PCSK7: variants seen among roughly 807,000 people sequenced by gnomAD.
PCSK7 encodes the protein proprotein convertase subtilisin/kexin type 7.
In PCSK7, 38 loss-of-function variants were observed where a neutral mutation model predicts 73.3. The observed-to-expected ratio is 0.52, with a 90% confidence interval of 0.40 to 0.68. PCSK7 has a LOEUF of 0.68. Among genes scored for constraint, PCSK7 ranks in the 30% least tolerant of loss-of-function variants. The pLI is 0.00. For missense variants in PCSK7, 692 were observed against 991.5 expected, an observed-to-expected ratio of 0.70 and a Z score of 4.06; for synonymous variants, 296 against 383.8, an observed-to-expected ratio of 0.77 and a Z score of 2.68.
rs1257403095 is a variant in PCSK7 at position 117,204,772 on chromosome 11, A to AC, written c.*1224_*1225insG. On this transcript the variant is annotated 3_prime_UTR_variant, in exon 17 of 17. Transcript: ENST00000320934. Reference sequence around the variant, plus strand: ...TGGGGTTGGAACTCAAAAAAAAAAAAAAAAAATCAATCTTTTCTCAGGCCT... The same window carrying AC: ...TGGGGTTGGAACTCAAAAAAAAAAAACAAAAAATCAATCTTTTCTCAGGCCT... The AC allele has an allele frequency of 3.2e-6, 1 of 313,264 alleles. No individual in the cohort carries two copies. The highest frequency in any genetic ancestry group is 2.1e-5 in the African/African-American group (1 of 46,904). The allele number at this position is 313,264 out of a possible 1,614,324, so 19.4% of individuals were successfully genotyped here.
At chr11:117,223,966 A>C in intron 8 of PCSK7, 112 bp downstream of exon 8, 3 of 1,130,184 alleles carry the variant, frequency 2.7e-6, no homozygotes, top group Admixed American at 1.8e-5. Flanking sequence ...CTGAGCCCAA[A>C]GAGATTATTG....
intron 8 of PCSK7, 71 bp downstream of exon 8, chr11:117,224,006 TA>T (rs1221763644): frequency 1.4e-6 from 2 of 1,471,606 alleles, no homozygotes; most frequent in African/African-American, 2.8e-5. Flanking sequence ...ACACAGAAGC[TA>T]GGACAAGACG....
At position 117,227,180 on chromosome 11, in the gene PCSK7, A is replaced by G; in HGVS notation, c.746T>C (p.Val249Ala). Reference protein sequence around the residue: ...VPNNSFCAVGVAYGSRIAGIR... With the variant: ...VPNNSFCAVGAAYGSRIAGIR... ...ACCTGCGATGCGGCTCCCGTAGGCC[A>G]CGCCCACGGCACAGAAGCTGTTGTT... The change falls in exon 5 of 17, where the codon GTG (valine) becomes GCG (alanine). Residue 249 changes from valine (V) to alanine (A), a missense_variant. Val to Ala is a moderately conservative substitution (Grantham distance 64, BLOSUM62 0). Coordinates refer to ENST00000320934, the MANE Select transcript of PCSK7 (RefSeq NM_004716.4). 2 of 1,608,848 alleles carry G rather than the reference A, an allele frequency of 1.2e-6. No individual in the cohort carries two copies. The highest frequency in any genetic ancestry group is 1.7e-6 in the Non-Finnish European group (2 of 1,177,298).
At chr11:117,230,785 C>G (rs1026728563) in intron 1 of PCSK7, among the ~76,000 whole-genome samples, 10 of 152,080 alleles carry the variant, frequency 6.6e-5, no homozygotes, top group African/African-American at 2.2e-4. Context: ...TAGCTAACTT[C>G]TTGATTTGTA....
chr11:117,215,380 G>GTGTGTGTGTGTGTGTGTGTGTATA (rs1164738557), intron 12 of PCSK7: 1 of 55,894 alleles, frequency 1.8e-5, no homozygotes, highest in African/African-American at 1.2e-4. Context: ...GTGTGTGTGT[G>GTGTGTGTGTGTGTGTGTGTGTATA]TATATATATA....
Position 117,224,145 on chromosome 11 carries a change from G to A in PCSK7, c.987C>T (p.Asn329=), listed in dbSNP as rs745605376. 1.5e-5 allele frequency: 24 copies of A among 1,613,942 alleles called. No homozygotes were observed. Among genetic ancestry groups the A allele is most frequent in the East Asian group, 6.7e-5 (3 of 44,888 alleles). Residue 329 remains asparagine, a synonymous_variant, in exon 8 of 17, where the codon AAC becomes AAT. Coordinates refer to ENST00000320934, the MANE Select transcript of PCSK7 (RefSeq NM_004716.4). ...FGSIFVVASG[N]GGQHNDNCNY... is the part of the protein sequence containing the mutation. The stretch of plus-strand genomic sequence containing the variant: ...TGCAGTTGTCGTTGTGTTGGCCTCC[G>A]TTGCCACTGGCTACCACAAAGATGC...
intron 12 of PCSK7, chr11:117,213,860 C>G (rs1440918848): frequency 6.6e-6 from 1 of 151,940 alleles, no homozygotes; most frequent in African/African-American, 2.4e-5. Context: ...TATTATGTGG[C>G]CTTTGGTAAA....
At chr11:117,215,380 G>GTGTGTGTGTGTATATATATATATATATA (rs1164738557) in intron 12 of PCSK7, 1 of 55,900 alleles carries the variant, frequency 1.8e-5, no homozygotes, top group African/African-American at 1.2e-4. Flanking sequence ...GTGTGTGTGT[G>GTGTGTGTGTGTATATATATATATATATA]TATATATATA....
At chr11:117,219,926 C>T (rs1233820741) in intron 9 of PCSK7, 168 bp from the exon 10 acceptor site, 1 of 478,172 alleles carries the variant, frequency 2.1e-6, no homozygotes, top group Non-Finnish European at 3.7e-6. Context: ...TGAGTGAGAA[C>T]CCATCTTTAA....
At chr11:117,225,656 C>T (rs1565316618) in intron 6 of PCSK7, 10 of 454,928 alleles carry the variant, frequency 2.2e-5, no homozygotes, top group South Asian at 1.6e-4. Flanking sequence ...GAAGAAAGCC[C>T]GCTTTCTTGC....
chr11:117,205,159 C>G lies in PCSK7; in HGVS notation c.*838G>C, dbSNP rs1390463353. On this transcript the variant is annotated 3_prime_UTR_variant, in exon 17 of 17. Coordinates refer to ENST00000320934, the MANE Select transcript of PCSK7 (RefSeq NM_004716.4). The stretch of plus-strand genomic sequence containing the variant: ...TGAAAAGAGAAAAACAAATCTTAAG[C>G]ATTAAAAAAAATTCAACCAACTAGC... The G allele has an allele frequency of 1.3e-5, 3 of 232,582 alleles. No homozygotes were observed. Among genetic ancestry groups the G allele is most frequent in the Admixed American group, 5.6e-5 (1 of 17,742 alleles). The allele number at this position is 232,582 out of a possible 1,614,324, so 14.4% of individuals were successfully genotyped here. A position where few individuals can be genotyped will look rare whatever the true frequency, so the allele number is the denominator to read the frequency against.
intron 5 of PCSK7, chr11:117,226,806 T>G (rs918874428): frequency 5.0e-6 from 1 of 201,722 alleles, no homozygotes; most frequent in Non-Finnish European, 9.8e-6. Context: ...CCCAAAAGGA[T>G]GGAGAGCAGC....
chr11:117,224,170 C>G lies in PCSK7; in HGVS notation c.962G>C (p.Ser321Thr), dbSNP rs940965182. ...GTTGCCACTGGCTACCACAAAGATG[C>G]TCCCAAAGCCCTGGCGACCAGCAAT... is the stretch of plus-strand genomic sequence containing the variant. Reference protein sequence around the residue: ...GVIAGRQGFGSIFVVASGNGG... With the variant: ...GVIAGRQGFGTIFVVASGNGG... The change falls in exon 8 of 17, where the codon AGC becomes ACC. Residue 321 changes from serine (S) to threonine (T), a missense_variant. This residue lies in a region of PCSK7 where 574 missense variants were observed against 689.8 expected (regional missense o/e 0.83). Transcript: ENST00000320934. 2 of 1,614,166 alleles carry G rather than the reference C, an allele frequency of 1.2e-6. No homozygotes were observed. The highest frequency in any genetic ancestry group is 1.3e-5 in the African/African-American group (1 of 75,042).
chr11:117,217,534 A>C (rs2032034429), intron 12 of PCSK7: 2 of 152,138 alleles, frequency 1.3e-5, no homozygotes, highest in South Asian at 4.1e-4. Context: ...GGATGTGGTT[A>C]GGAGGAGAAA....
chr11:117,225,578 C>T (rs148589976), intron 6 of PCSK7: 115 of 295,892 alleles, frequency 3.9e-4, no homozygotes, highest in African/African-American at 2.3e-3. Context: ...CAGCCATGCC[C>T]TGAAGGTGCA....
At chr11:117,224,481 G>A (rs775366580) in intron 7 of PCSK7, among the ~76,000 whole-genome samples, 1 of 152,150 alleles carries the variant, frequency 6.6e-6, no homozygotes, top group Non-Finnish European at 1.5e-5. Flanking sequence ...CATGGGAGCT[G>A]AGGATAAGAT....
chr11:117,223,056 G>A (rs2134319943), intron 9 of PCSK7, 152 bp downstream of exon 9: 2 of 639,980 alleles, frequency 3.1e-6, no homozygotes, highest in Non-Finnish European at 5.7e-6. Context: ...CTACTCCAAG[G>A]GTGGCATGCC....
At position 117,218,746 on chromosome 11, in the gene PCSK7, C is replaced by T. The variant is rs943318053; in HGVS notation, c.1432-178G>A. 1 of 573,552 alleles carries T rather than the reference C, an allele frequency of 1.7e-6. No homozygotes were observed. Among genetic ancestry groups the T allele is most frequent in the Non-Finnish European group, 3.1e-6 (1 of 321,974 alleles). The allele number at this position is 573,552 out of a possible 1,614,324, so 35.5% of individuals were successfully genotyped here. On this transcript the variant is annotated intron_variant, in intron 11 of 16. Transcript: ENST00000320934. This position sits in a 1 kb window ranked among gnomAD's most constrained non-coding sequence, Gnocchi z 4.0. ...TGCTTGCTCGCTGGAATGCTCCGTACAGCCCCCAGCTAAGGAACCAGAGGA... is the reference window on the plus strand; with the variant it reads ...TGCTTGCTCGCTGGAATGCTCCGTATAGCCCCCAGCTAAGGAACCAGAGGA...
chr11:117,231,131 G>A (rs1299473044), intron 1 of PCSK7: 1 of 151,974 alleles, frequency 6.6e-6, no homozygotes, highest in Non-Finnish European at 1.5e-5. Flanking sequence ...GTGTACCTAT[G>A]GTGGCTGGGC....
Sources: gnomAD v4.1 joint callset for allele counts (sites outside exome capture counted in the v4.1 genomes callset) on GRCh38, gnomAD v4.1.1 for gene constraint, gnomAD v4.1.1 regional missense constraint, Gnocchi (gnomAD v3.1) non-coding constraint, MANE v1.5 for transcripts, NCBI Gene and HGNC (gene_info 2026-07-23, HGNC 2026-07-21) for gene names.